Variants in PFKFB3 observed in about 807,000 individuals in gnomAD.
PFKFB3 encodes 6-phosphofructo-2-kinase/fructose-2,6-biphosphatase 3, also known as 6-phosphofructo-2-kinase/fructose-2,6-bisphosphatase 3.
A neutral mutation model predicts 68.0 loss-of-function variants in PFKFB3; 33 were observed. The observed-to-expected ratio is 0.49, with a 90% confidence interval of 0.37 to 0.65. The LOEUF is 0.65. PFKFB3 is among the 30% of genes least tolerant of loss of function. The probability of loss-of-function intolerance (pLI) is 0.00; values close to 1 mark genes in which losing one functional copy is unlikely to be tolerated. For missense variants in PFKFB3, 586 were observed against 712.2 expected (o/e 0.82, Z 2.02); for synonymous variants, 315 against 288.2 (o/e 1.09, Z -0.94).
downstream of PFKFB3, among the ~76,000 whole-genome samples, chr10:6,238,077 G>C (rs943564699): frequency 1.3e-5 from 2 of 151,958 alleles, no homozygotes. Flanking sequence ...CACCCGAATC[G>C]CCTCAAAATA....
chr10:6,293,399 G>C, the PFKFB3 span: 3 of 232,236 alleles, frequency 1.3e-5, no homozygotes, highest in South Asian at 1.6e-4. Context: ...AGGCTGGAGT[G>C]GAGTGGTGCA....
At chr10:6,171,601 C>T (rs559481000) in intron 1 of PFKFB3, among the ~76,000 whole-genome samples, 4 of 152,214 alleles carry the variant, frequency 2.6e-5, no homozygotes, top group Non-Finnish European at 5.9e-5. Flanking sequence ...CTGTGTTGCT[C>T]GGGCTGGTCT....
chr10:6,212,570 C>T (rs1014136155), intron 1 of PFKFB3, among the ~76,000 whole-genome samples: 1 of 152,188 alleles, frequency 6.6e-6, no homozygotes, highest in African/African-American at 2.4e-5. Flanking sequence ...GCGTGAGAGG[C>T]TCGGGTGGAG....
the PFKFB3 span, among the ~76,000 whole-genome samples, chr10:6,287,687 G>C: frequency 3.3e-5 from 5 of 152,140 alleles, no homozygotes; most frequent in Admixed American, 3.3e-4. Flanking sequence ...CTTTATAGCA[G>C]AGTACTCCCA....
At chr10:6,306,310 C>T in the PFKFB3 span, among the ~76,000 whole-genome samples, 1 of 152,354 alleles carries the variant, frequency 6.6e-6, no homozygotes, top group Admixed American at 6.5e-5. Context: ...TCTATCAAAG[C>T]AGAAACTCAG....
At chr10:6,169,726 A>C (rs1019896662) in intron 1 of PFKFB3, among the ~76,000 whole-genome samples, 4 of 152,178 alleles carry the variant, frequency 2.6e-5, no homozygotes, top group Admixed American at 2.0e-4. Flanking sequence ...GGAACTCTCT[A>C]AATGTTTATG....
At position 6,229,195 on chromosome 10, in the gene PFKFB3, T is replaced by C; in HGVS notation, c.1515+2830T>C. On this transcript the variant is annotated intron_variant, in intron 14 of 14. Transcript: ENST00000379775. This position sits in a 1 kb window ranked among gnomAD's most constrained non-coding sequence, Gnocchi z 4.3. Reference sequence around the variant, plus strand: ...AAATGGGAGAGGTTTGGCATGGCGCTCAGATTTTGGTGGCAAAGGGGTGAA... The same window carrying C: ...AAATGGGAGAGGTTTGGCATGGCGCCCAGATTTTGGTGGCAAAGGGGTGAA... The C allele has an allele frequency of 4.1e-6, 2 of 484,700 alleles. 1 individual carries two copies. Among genetic ancestry groups the C allele is most frequent in the Non-Finnish European group, 8.6e-6 (2 of 232,840 alleles). The allele number at this position is 484,700 out of a possible 1,614,324, so 30.0% of individuals were successfully genotyped here. A position where few individuals can be genotyped will look rare whatever the true frequency, so the allele number is the denominator to read the frequency against.
chr10:6,267,216 G>A, the PFKFB3 span, among the ~76,000 whole-genome samples: 26 of 152,214 alleles, frequency 1.7e-4, no homozygotes, highest in African/African-American at 6.0e-4. Flanking sequence ...ATAGGCATAT[G>A]TATCTTGTTC....
At chr10:6,165,798 T>C (rs1007759459) in intron 1 of PFKFB3, among the ~76,000 whole-genome samples, 3 of 151,960 alleles carry the variant, frequency 2.0e-5, no homozygotes, top group African/African-American at 7.3e-5. Context: ...CCCAGTATTT[T>C]ATTTTCTTTT....
At chr10:6,160,237 T>C (rs977612039) in intron 1 of PFKFB3, among the ~76,000 whole-genome samples, 2 of 152,062 alleles carry the variant, frequency 1.3e-5, no homozygotes, top group African/African-American at 4.8e-5. Context: ...ATGTCAATAA[T>C]TGAGATGTCA....
At chr10:6,259,196 C>CCATCT (rs1846516925), downstream of PFKFB3, among the ~76,000 whole-genome samples, 1 of 135,018 alleles carries the variant, frequency 7.4e-6, no homozygotes, top group Non-Finnish European at 1.6e-5. Flanking sequence ...TCCATCCATC[C>CCATCT]ATCCATCCAT....
chr10:6,163,445 T>C (rs1357461391), intron 1 of PFKFB3, among the ~76,000 whole-genome samples: 2 of 152,178 alleles, frequency 1.3e-5, no homozygotes, highest in African/African-American at 4.8e-5. Context: ...ACCTGGAGCC[T>C]GGCGTCGTGG....
At chr10:6,235,911 T>C (rs1261277624), downstream of PFKFB3, among the ~76,000 whole-genome samples, 1 of 151,778 alleles carries the variant, frequency 6.6e-6, no homozygotes, top group Non-Finnish European at 1.5e-5. Flanking sequence ...GGATTACAGG[T>C]GTGCACCACC....
At chr10:6,217,015 T>C in intron 5 of PFKFB3, 120 bp from the exon 6 acceptor site, 2 of 1,044,952 alleles carry the variant, frequency 1.9e-6, no homozygotes, top group Admixed American at 3.5e-5. Context: ...TGGGCTTTCC[T>C]GTGTTTGGGA....
At chr10:6,194,692 G>A (rs756778885) in intron 1 of PFKFB3, among the ~76,000 whole-genome samples, 1 of 152,124 alleles carries the variant, frequency 6.6e-6, no homozygotes, top group Non-Finnish European at 1.5e-5. Context: ...TCTTCAACAG[G>A]GGTTTGTGGA....
At chr10:6,174,000 C>T (rs954153304) in intron 1 of PFKFB3, among the ~76,000 whole-genome samples, 3 of 151,938 alleles carry the variant, frequency 2.0e-5, no homozygotes, top group Non-Finnish European at 4.4e-5. Flanking sequence ...ATAGTAGGCA[C>T]GGAAAGAACA....
chr10:6,271,466 G>A, the PFKFB3 span, among the ~76,000 whole-genome samples: 1 of 152,238 alleles, frequency 6.6e-6, no homozygotes, highest in Admixed American at 6.5e-5. Context: ...CCTGGTAGCA[G>A]TGCTTGCGGA....
At chr10:6,192,080 A>T (rs1843038799) in intron 1 of PFKFB3, among the ~76,000 whole-genome samples, 2 of 147,296 alleles carry the variant, frequency 1.4e-5, no homozygotes, top group African/African-American at 2.5e-5. Flanking sequence ...GATCTTGGCT[A>T]CTCTGTGATT....
rs556594008 is a variant in PFKFB3 at position 6,248,949 on chromosome 10, G to A, written c.1516-5229G>A. 2.8e-3 allele frequency among the ~76,000 whole-genome samples: 431 copies of A among 152,130 alleles called. 2 individuals carry two copies. Among genetic ancestry groups the A allele is most frequent in the Middle Eastern group, 6.8e-3 (2 of 292 alleles). On this transcript the variant is annotated intron_variant, in intron 14 of 14. Coordinates refer to the PFKFB3 transcript ENST00000640683. The stretch of plus-strand genomic sequence containing the variant: ...AGCACTTTGGGAGGCCAAGGCAGGC[G>A]GATCACCTGAGGTCGGGAATTCGAG...
Sources: gnomAD v4.1 joint callset for allele counts (sites outside exome capture counted in the v4.1 genomes callset) on GRCh38, gnomAD v4.1.1 for gene constraint, Gnocchi (gnomAD v3.1) non-coding constraint, MANE v1.5 for transcripts, NCBI Gene and HGNC (gene_info 2026-07-23, HGNC 2026-07-21) for gene names.